The following PKHD1L1 variants were observed in gnomAD, a reference collection of about 807,000 sequenced individuals.
The protein encoded by PKHD1L1 is fibrocystin-L.
A neutral mutation model predicts 462.9 loss-of-function variants in PKHD1L1; 434 were observed. The ratio of observed to expected loss-of-function variants is 0.94; its 90% confidence interval spans 0.87 to 1.02. PKHD1L1 has a LOEUF of 1.02. Ranked by LOEUF, PKHD1L1 falls within the 50% of genes least tolerant of loss-of-function variation. The pLI, the probability that PKHD1L1 is intolerant of heterozygous loss-of-function variation, is 0.00. For missense variants in PKHD1L1, 5,202 were observed against 5,096.1 expected (o/e 1.02, Z -0.63); for synonymous variants, 1,781 against 1,750.0 (o/e 1.02, Z -0.44).
intron 2 of PKHD1L1, among the ~76,000 whole-genome samples, chr8:109,369,475 G>A (rs983336714): frequency 1.3e-5 from 2 of 151,938 alleles, no homozygotes; most frequent in Non-Finnish European, 2.9e-5. Flanking sequence ...TTTCACATAT[G>A]CTATATATAT....
At chr8:109,482,564 T>C (rs1299469661) in intron 56 of PKHD1L1, among the ~76,000 whole-genome samples, 2 of 151,812 alleles carry the variant, frequency 1.3e-5, no homozygotes, top group African/African-American at 4.8e-5. Context: ...AAGTATATTA[T>C]TACGCAGTTT....
At chr8:109,441,915 C>A in intron 34 of PKHD1L1, 92 bp from the exon 35 acceptor site, 1 of 1,066,808 alleles carries the variant, frequency 9.4e-7, no homozygotes, top group South Asian at 2.6e-5. Context: ...AATGTTTTCA[C>A]TACTGACTGT....
chr8:109,488,275 T>C (rs1818657781), intron 59 of PKHD1L1, among the ~76,000 whole-genome samples: 1 of 151,986 alleles, frequency 6.6e-6, no homozygotes, highest in Non-Finnish European at 1.5e-5. Context: ...TTTATTGTTT[T>C]GTTTTTAGTA....
intron 19 of PKHD1L1, among the ~76,000 whole-genome samples, chr8:109,411,427 G>A (rs984680264): frequency 2.0e-5 from 3 of 152,092 alleles, no homozygotes; most frequent in African/African-American, 7.2e-5. Context: ...GCAGATTAGT[G>A]AGAAAAAATC....
intron 70 of PKHD1L1, among the ~76,000 whole-genome samples, chr8:109,510,101 T>C (rs2130985951): frequency 6.6e-6 from 1 of 152,276 alleles, no homozygotes; most frequent in African/African-American, 2.4e-5. Flanking sequence ...TCATTAATGA[T>C]GTCAACACTC....
At chr8:109,462,180 A>G (rs1162757654) in intron 48 of PKHD1L1, among the ~76,000 whole-genome samples, 1 of 152,000 alleles carries the variant, frequency 6.6e-6, no homozygotes, top group Non-Finnish European at 1.5e-5. Context: ...CCTCCACCTG[A>G]TCCTGTGCCT....
chr8:109,491,209 G>T (rs1818808027), intron 61 of PKHD1L1, 108 bp downstream of exon 61: 1 of 1,195,650 alleles, frequency 8.4e-7, no homozygotes, highest in Non-Finnish European at 1.1e-6. Flanking sequence ...GATGGAAATG[G>T]TCTATATTTC....
At chr8:109,496,134 C>T (rs985325279) in intron 63 of PKHD1L1, among the ~76,000 whole-genome samples, 2 of 152,160 alleles carry the variant, frequency 1.3e-5, no homozygotes, top group Non-Finnish European at 2.9e-5. Flanking sequence ...TAAAGACCAC[C>T]TATCTCTGTA....
At position 109,409,934 on chromosome 8, in the gene PKHD1L1, T is replaced by C; in HGVS notation, c.2041T>C (p.Phe681Leu). The C allele has an allele frequency of 6.2e-7, 1 of 1,606,430 alleles. No homozygotes were observed. The highest frequency in any genetic ancestry group is 8.5e-7 in the Non-Finnish European group (1 of 1,176,554). Residue 681 changes from phenylalanine (F) to leucine (L), a missense_variant, in exon 19 of 78, where the codon TTT becomes CTT. Physicochemically the swap from Phe to Leu is conservative, Grantham distance 22. Around this residue, in one of 3 missense-constraint regions of PKHD1L1, gnomAD observed 4,497 missense variants for 4,336.8 expected, o/e 1.04. Transcript: ENST00000378402. ...ACAAATTGCAAATTTTGAAGAAGGA[T>C]TTGTTGTGAAATATTTCAGAGACTA... ...PPQIANFEEG[F>L]VVKYFRDYET...
chr8:109,521,985 A>G (rs1376529904), intron 73 of PKHD1L1, among the ~76,000 whole-genome samples: 1 of 152,076 alleles, frequency 6.6e-6, no homozygotes, highest in African/African-American at 2.4e-5. Flanking sequence ...TTTAATTCCA[A>G]CTTAAAATAT....
At chr8:109,488,163 A>T (rs1243349702) in intron 59 of PKHD1L1, among the ~76,000 whole-genome samples, 3 of 152,006 alleles carry the variant, frequency 2.0e-5, no homozygotes, top group African/African-American at 7.2e-5. Flanking sequence ...AAAATAGTTC[A>T]TATAGGAAAC....
chr8:109,451,058 G>A lies in PKHD1L1; in HGVS notation c.6259G>A (p.Val2087Met). The change falls in exon 41 of 78, where the codon GTG becomes ATG. Residue 2087 changes from valine to methionine, a missense_variant. Physicochemically the swap from Val to Met is conservative, Grantham distance 21. Around this residue, in one of 3 missense-constraint regions of PKHD1L1, gnomAD observed 4,497 missense variants for 4,336.8 expected, o/e 1.04. Coordinates refer to ENST00000378402, the MANE Select transcript of PKHD1L1 (RefSeq NM_177531.6). ...SQSMTPFTYA[V>M]SLTPLITAVS... ...GTCCATGACTCCGTTTACGTACGCA[G>A]TGTCACTGACTCCACTCATCACTGC... The A allele has an allele frequency of 3.1e-6, 5 of 1,613,848 alleles. No homozygotes were observed. Among genetic ancestry groups the A allele is most frequent in the Non-Finnish European group, 4.2e-6 (5 of 1,179,814 alleles).
At chr8:109,527,824 C>T (rs1012669677) in intron 77 of PKHD1L1, among the ~76,000 whole-genome samples, 3 of 152,194 alleles carry the variant, frequency 2.0e-5, no homozygotes, top group Admixed American at 6.5e-5. Context: ...TCTACCAGCC[C>T]ATCAACCAAT....
intron 28 of PKHD1L1, among the ~76,000 whole-genome samples, chr8:109,434,929 T>C (rs1815317894): frequency 6.6e-6 from 1 of 152,190 alleles, no homozygotes; most frequent in East Asian, 1.9e-4. Context: ...TTGGGTACAG[T>C]AGCATCCGAA....
chr8:109,510,092 C>A (rs1043950602), intron 70 of PKHD1L1, among the ~76,000 whole-genome samples: 48 of 152,170 alleles, frequency 3.2e-4, no homozygotes, highest in African/African-American at 1.2e-3. Flanking sequence ...GGCTTCAGTT[C>A]ATTAATGATG....
chr8:109,505,263 C>G (rs1673416), intron 68 of PKHD1L1, among the ~76,000 whole-genome samples: 1 of 151,532 alleles, frequency 6.6e-6, no homozygotes, highest in East Asian at 2.0e-4. Flanking sequence ...TTTTTCTTAC[C>G]CTTTTTGGTT....
At chr8:109,377,989 G>A (rs761115171) in intron 2 of PKHD1L1, among the ~76,000 whole-genome samples, 3 of 151,840 alleles carry the variant, frequency 2.0e-5, no homozygotes, top group Admixed American at 6.6e-5. Flanking sequence ...TTACCCTTTT[G>A]TCTCTTTCTG....
intron 25 of PKHD1L1, among the ~76,000 whole-genome samples, 199 bp downstream of exon 25, chr8:109,427,355 C>G (rs1448082016): frequency 6.6e-6 from 1 of 152,084 alleles, no homozygotes; most frequent in Non-Finnish European, 1.5e-5. Flanking sequence ...TGGAGAATAG[C>G]TGTTGGTACT....
intron 12 of PKHD1L1, among the ~76,000 whole-genome samples, chr8:109,399,804 C>T (rs1813177584): frequency 6.6e-6 from 1 of 152,064 alleles, no homozygotes; most frequent in Non-Finnish European, 1.5e-5. Context: ...GTGTATTATA[C>T]ATAATCCCTA....
Sources: gnomAD v4.1 joint callset for allele counts (sites outside exome capture counted in the v4.1 genomes callset) on GRCh38, gnomAD v4.1.1 for gene constraint, gnomAD v4.1.1 regional missense constraint, MANE v1.5 for transcripts, NCBI Gene and HGNC (gene_info 2026-07-23, HGNC 2026-07-21) for gene names.